The following DMXL2 variants were observed in gnomAD, a reference collection of about 807,000 sequenced individuals.
The protein encoded by DMXL2 is dmX-like protein 2.
DMXL2 carries 103 observed loss-of-function variants against 331.1 expected under a neutral mutation model. That is an observed-to-expected ratio of 0.31 (90% CI 0.27 to 0.37). DMXL2 has a LOEUF of 0.37. Among genes scored for constraint, DMXL2 ranks in the 10% least tolerant of loss-of-function variants. The probability of loss-of-function intolerance (pLI) is 1.00; values close to 1 mark genes in which losing one functional copy is unlikely to be tolerated. For missense variants in DMXL2, 3,171 were observed against 3,642.9 expected (o/e 0.87, Z 3.33); for synonymous variants, 1,281 against 1,252.1 (o/e 1.02, Z -0.49).
intron 1 of DMXL2, among the ~76,000 whole-genome samples, chr15:51,588,920 C>T (rs916513906): frequency 6.6e-6 from 1 of 152,154 alleles, no homozygotes; most frequent in African/African-American, 2.4e-5. Context: ...TGGCTGTACA[C>T]AAATTTGCTT....
At chr15:51,449,234 G>A in intron 43 of DMXL2, 41 bp from the exon 44 acceptor site, 1 of 1,603,166 alleles carries the variant, frequency 6.2e-7, no homozygotes, top group Non-Finnish European at 8.5e-7. Context: ...ATTACGAAAA[G>A]ACCAAAAGCA....
intron 6 of DMXL2, among the ~76,000 whole-genome samples, chr15:51,551,738 T>C (rs2049234686): frequency 6.6e-6 from 1 of 152,214 alleles, no homozygotes; most frequent in Admixed American, 6.5e-5. Context: ...ACTATGTGAA[T>C]GGCTGGGGAT....
intron 1 of DMXL2, among the ~76,000 whole-genome samples, chr15:51,616,847 G>A (rs2054311818): frequency 6.9e-6 from 1 of 145,924 alleles, no homozygotes; most frequent in Non-Finnish European, 1.5e-5. Context: ...TGAGGCAGGA[G>A]AATCGCTTGA....
rs1021657349 is a variant in DMXL2 at position 51,605,937 on chromosome 15, G to A, written c.87+16522C>T. On this transcript the variant is annotated intron_variant, in intron 1 of 43. Transcript: ENST00000560891. ...GAGGAATTAGTGGGCCAAAATCTAA[G>A]AGAAAAGGAGAACATAAGGCTGTGC... Among the ~76,000 whole-genome samples the A allele has an allele frequency of 2.6e-5, 4 of 152,184 alleles. 1 individual carries two copies. The highest frequency in any genetic ancestry group is 5.9e-5 in the Non-Finnish European group (4 of 68,036).
rs760805945 is a variant in DMXL2, at chr15:51,481,189, G to A, written c.5917C>T (p.Pro1973Ser). The change falls in exon 24 of 44, where the codon CCT (proline) becomes TCT (serine). Residue 1973 changes from proline (P) to serine (S), a missense_variant. By Grantham distance (74) the Pro-to-Ser change is moderately conservative (BLOSUM62 -1). Coordinates refer to ENST00000560891, the MANE Select transcript of DMXL2 (RefSeq NM_001378457.1). ...SQPIVKVDEEPLNLDWGEDHD... is the reference protein window; with the variant it reads ...SQPIVKVDEESLNLDWGEDHD... ...TCTTCACCCCAATCAAGATTAAGAG[G>A]TTCCTCATCAACTTTTACTATTGGC... 20 of 1,613,792 alleles carry A rather than the reference G, an allele frequency of 1.2e-5. No individual in the cohort carries two copies. The highest frequency in any genetic ancestry group is 1.6e-4 in the Middle Eastern group (1 of 6,084).
chr15:51,534,035 A>T (rs1323080412), intron 13 of DMXL2, among the ~76,000 whole-genome samples: 5 of 152,178 alleles, frequency 3.3e-5, no homozygotes, highest in African/African-American at 1.2e-4. Context: ...TTGGACCCCA[A>T]ATCCAAATGT....
At chr15:51,591,425 A>AGCGGTGGGAAGCTCCAACTGGGTG (rs2052323291) in intron 1 of DMXL2, among the ~76,000 whole-genome samples, 1 of 152,160 alleles carries the variant, frequency 6.6e-6, no homozygotes, top group Non-Finnish European at 1.5e-5. Context: ...AGGTAAACAA[A>AGCGGTGGGAAGCTCCAACTGGGTG]GCGGTGGGAA....
In DMXL2 at chr15:51,480,784, C is replaced by T; in HGVS notation, c.6322G>A (p.Asp2108Asn). The stretch of plus-strand genomic sequence containing the variant: ...ACCATTTCTTCCTGATCCAGCAGAT[C>T]ACTCTCTACTTTGGAATATGTCTTA... ...SSKTYSKVES[D>N]LLDQEEMVDK... The change falls in exon 24 of 44, where the codon GAT becomes AAT. Residue 2108 changes from aspartate (D) to asparagine (N), a missense_variant. Coordinates refer to ENST00000560891, the MANE Select transcript of DMXL2 (RefSeq NM_001378457.1). The T allele has an allele frequency of 1.2e-6, 2 of 1,602,194 alleles. No homozygotes were observed. Among genetic ancestry groups the T allele is most frequent in the Non-Finnish European group, 1.7e-6 (2 of 1,172,432 alleles).
At position 51,498,459 on chromosome 15, in the gene DMXL2, T is replaced by C. The variant is rs948764794; in HGVS notation, c.4672+93A>G. ...GTCTTTTCCCTGCAAAGTTTGAAAG[T>C]TGAGACTGCAATTCAGTAAATGAGT... is the stretch of plus-strand genomic sequence containing the variant. On this transcript the variant is annotated intron_variant, in intron 18 of 43. Transcript: ENST00000560891. 15 of 1,307,250 alleles carry C rather than the reference T, an allele frequency of 1.1e-5. No individual in the cohort carries two copies. The African/African-American group carries it at 2.1e-4, about 18-fold the overall frequency. 81.0% of individuals were successfully genotyped at this position (1,307,250 alleles called of 1,614,324 possible).
At chr15:51,612,281 TTTAATAC>T (rs2054022294) in intron 1 of DMXL2, among the ~76,000 whole-genome samples, 1 of 152,244 alleles carries the variant, frequency 6.6e-6, no homozygotes, top group Non-Finnish European at 1.5e-5. Flanking sequence ...GATAGCACTA[TTTAATAC>T]TGCCAGGAAG....
chr15:51,488,207 C>A, intron 21 of DMXL2, 88 bp from the exon 22 acceptor site: 3 of 1,214,820 alleles, frequency 2.5e-6, no homozygotes, highest in African/African-American at 1.6e-5. Flanking sequence ...AAACCTCAAA[C>A]AGAAATCTAA....
intron 1 of DMXL2, among the ~76,000 whole-genome samples, chr15:51,599,110 C>T (rs1228554901): frequency 3.3e-5 from 5 of 152,114 alleles, no homozygotes; most frequent in African/African-American, 1.2e-4. Flanking sequence ...TTTTCATACC[C>T]AGATTGTCCC....
intron 1 of DMXL2, among the ~76,000 whole-genome samples, chr15:51,593,329 T>A (rs967738506): frequency 1.3e-5 from 2 of 152,214 alleles, no homozygotes; most frequent in Non-Finnish European, 2.9e-5. Flanking sequence ...GGCCATTACA[T>A]AATGGTAAAG....
intron 33 of DMXL2, 45 bp from the exon 34 acceptor site, chr15:51,459,705 ATGAAATTATAAAGACAG>A: frequency 7.8e-7 from 1 of 1,287,962 alleles, no homozygotes; most frequent in Non-Finnish European, 1.0e-6. Flanking sequence ...CATGCATGGA[ATGAAATTATAAAGACAG>A]TGAAATATTT....
At position 51,547,370 on chromosome 15, in the gene DMXL2, A is replaced by G; in HGVS notation, c.606T>C (p.Gly202=). The change falls in exon 7 of 44, where the codon GGT becomes GGC. Residue 202 remains glycine (G), a synonymous_variant. Transcript: ENST00000560891. ...CLLKVWYPMT[G]WKSSIIPQDH... ...CCTGAGGTATAATTGAAGACTTCCAACCAGTCATAGGATACCACACTTTCA... is the reference window on the plus strand; with the variant it reads ...CCTGAGGTATAATTGAAGACTTCCAGCCAGTCATAGGATACCACACTTTCA... 6.2e-7 allele frequency: 1 copy of G among 1,611,016 alleles called. No individual in the cohort carries two copies. The highest frequency in any genetic ancestry group is 8.5e-7 in the Non-Finnish European group (1 of 1,178,610).
intron 18 of DMXL2, 73 bp downstream of exon 18, chr15:51,498,479 A>G: frequency 1.4e-6 from 2 of 1,439,492 alleles, no homozygotes; most frequent in East Asian, 4.6e-5. Context: ...AATTCAGTAA[A>G]TGAGTCAGTA....
intron 6 of DMXL2, among the ~76,000 whole-genome samples, chr15:51,550,981 A>G (rs2049180749): frequency 6.6e-6 from 1 of 152,132 alleles, no homozygotes; most frequent in Non-Finnish European, 1.5e-5. Flanking sequence ...GAGTCTCACA[A>G]CACCTGAAAT....
chr15:51,537,631 C>G lies in DMXL2; in HGVS notation c.1474G>C (p.Asp492His), dbSNP rs2048356729. The G allele has an allele frequency of 6.2e-7, 1 of 1,613,842 alleles. No homozygotes were observed. The highest frequency in any genetic ancestry group is 1.3e-5 in the African/African-American group (1 of 74,992). Residue 492 changes from aspartate to histidine, a missense_variant, in exon 11 of 44, where the codon GAT becomes CAT. Around this residue, in one of 7 missense-constraint regions of DMXL2, gnomAD observed 1,674 missense variants for 1,780.2 expected, o/e 0.94. Coordinates refer to ENST00000560891, the MANE Select transcript of DMXL2 (RefSeq NM_001378457.1). The stretch of plus-strand genomic sequence containing the variant: ...GTTAGCAGCGTTTCAATCTTCCGAT[C>G]AAGCAGAACCGTAGGCAGTGGCATT... ...VPMPLPTVLL[D>H]RKIETLLTEW...
chr15:51,516,780 C>T (rs1596086475), intron 14 of DMXL2, among the ~76,000 whole-genome samples: 2 of 152,304 alleles, frequency 1.3e-5, no homozygotes, highest in Middle Eastern at 3.4e-3. Context: ...TTTCAAATCT[C>T]TAGTTCCATT....
Sources: gnomAD v4.1 joint callset for allele counts (sites outside exome capture counted in the v4.1 genomes callset) on GRCh38, gnomAD v4.1.1 for gene constraint, gnomAD v4.1.1 regional missense constraint, MANE v1.5 for transcripts, NCBI Gene and HGNC (gene_info 2026-07-23, HGNC 2026-07-21) for gene names.